Variants in SEMA3A observed in about 807,000 individuals in gnomAD.
SEMA3A encodes the protein semaphorin 3A.
Under a neutral mutation model 97.9 loss-of-function variants are expected in SEMA3A, and 29 were observed. The ratio of observed to expected loss-of-function variants is 0.30; its 90% CI spans 0.22 to 0.40. The LOEUF (loss-of-function observed/expected upper bound fraction) is 0.40. SEMA3A is among the 10% of genes least tolerant of loss of function. The pLI is 1.00. For synonymous variants in SEMA3A, 321 were observed against 323.7 expected (o/e 0.99, Z 0.09); for missense variants, 763 against 951.3 (o/e 0.80, Z 2.60).
chr7:84,361,249 G>A (rs1802712060), intron 2 of SEMA3A, among the ~76,000 whole-genome samples: 1 of 152,056 alleles, frequency 6.6e-6, no homozygotes, highest in South Asian at 2.1e-4. Context: ...ATGTTCTCAT[G>A]AAGTGCTGAG....
intron 4 of SEMA3A, among the ~76,000 whole-genome samples, chr7:84,083,438 T>G (rs4732539): frequency 0.41 from 62,766 of 151,366 alleles, 14,564 homozygotes; most frequent in Non-Finnish European, 0.51. Flanking sequence ...ATCATTTTTT[T>G]TGTGTGTGTG....
intron 6 of SEMA3A, among the ~76,000 whole-genome samples, chr7:84,034,797 T>TC (rs397825918): frequency 6.6e-5 from 10 of 151,792 alleles, no homozygotes; most frequent in South Asian, 6.3e-4. Flanking sequence ...GTCTTTTTTT[T>TC]CCCCTTATTT....
At chr7:84,435,487 A>G (rs1029220113) in intron 1 of SEMA3A, among the ~76,000 whole-genome samples, 9 of 152,214 alleles carry the variant, frequency 5.9e-5, no homozygotes, top group African/African-American at 2.2e-4. Context: ...GCGTGCCTAT[A>G]GTCCCAGCTA....
At chr7:84,099,274 G>T (rs1220629992) in intron 4 of SEMA3A, among the ~76,000 whole-genome samples, 11 of 59,268 alleles carry the variant, frequency 1.9e-4, no homozygotes, top group African/African-American at 3.8e-4. Context: ...GTTTCACCGT[G>T]TTAGCCAGGA....
At chr7:84,286,907 A>G (rs1800603592) in intron 3 of SEMA3A, among the ~76,000 whole-genome samples, 1 of 152,134 alleles carries the variant, frequency 6.6e-6, no homozygotes, top group Admixed American at 6.6e-5. Flanking sequence ...TTATCTCACC[A>G]TCAATCTACA....
At chr7:84,058,961 T>C (rs1793107523) in intron 5 of SEMA3A, among the ~76,000 whole-genome samples, 1 of 152,178 alleles carries the variant, frequency 6.6e-6, no homozygotes, top group African/African-American at 2.4e-5. Flanking sequence ...CAGCGGAATA[T>C]TAAAATAAAT....
At chr7:84,466,459 C>T (rs1035243389) in intron 1 of SEMA3A, among the ~76,000 whole-genome samples, 4 of 152,098 alleles carry the variant, frequency 2.6e-5, no homozygotes, top group Non-Finnish European at 5.9e-5. Flanking sequence ...AGGTGTGAGC[C>T]GCCGCACCCA....
At chr7:84,219,768 T>C (rs1798833756) in intron 3 of SEMA3A, among the ~76,000 whole-genome samples, 1 of 152,204 alleles carries the variant, frequency 6.6e-6, no homozygotes, top group Non-Finnish European at 1.5e-5. Context: ...GGATGACTTG[T>C]TGCAGCTTCT....
At chr7:84,264,334 A>G (rs1055668107) in intron 3 of SEMA3A, among the ~76,000 whole-genome samples, 1 of 152,196 alleles carries the variant, frequency 6.6e-6, no homozygotes, top group African/African-American at 2.4e-5. Flanking sequence ...GCCTATAACA[A>G]CAATGTGGAT....
At chr7:84,386,957 A>C (rs1233643150) in intron 1 of SEMA3A, among the ~76,000 whole-genome samples, 1 of 152,052 alleles carries the variant, frequency 6.6e-6, no homozygotes, top group Non-Finnish European at 1.5e-5. Context: ...CCGAGATCGC[A>C]CCACTGCACT....
At chr7:84,398,018 T>C (rs1178109556) in intron 1 of SEMA3A, among the ~76,000 whole-genome samples, 1 of 152,208 alleles carries the variant, frequency 6.6e-6, no homozygotes, top group African/African-American at 2.4e-5. Flanking sequence ...ATTTATTTCT[T>C]ATTTGATTTG....
At chr7:84,294,265 G>T (rs1303774501) in intron 3 of SEMA3A, among the ~76,000 whole-genome samples, 1 of 151,846 alleles carries the variant, frequency 6.6e-6, no homozygotes, top group African/African-American at 2.4e-5. Flanking sequence ...CCTACTTCCT[G>T]GCACCATAGG....
intron 1 of SEMA3A, among the ~76,000 whole-genome samples, chr7:84,480,088 TA>T (rs1328046629): frequency 1.3e-5 from 2 of 152,240 alleles, no homozygotes; most frequent in Admixed American, 6.5e-5. Flanking sequence ...AGAAGTTTAC[TA>T]AAGCAAGATT....
At chr7:84,444,564 CTTT>C (rs201008229) in intron 1 of SEMA3A, among the ~76,000 whole-genome samples, 19 of 138,760 alleles carry the variant, frequency 1.4e-4, no homozygotes, top group African/African-American at 4.2e-4. Flanking sequence ...TTCTTTTTTT[CTTT>C]TTTTTTTTTT....
chr7:83,992,835 C>T (rs370604761), intron 12 of SEMA3A, among the ~76,000 whole-genome samples: 102 of 152,090 alleles, frequency 6.7e-4, no homozygotes, highest in East Asian at 2.9e-3. Flanking sequence ...CTATTAGGTC[C>T]GCTTGGTGCA....
At chr7:84,228,740 C>T (rs1458901263) in intron 3 of SEMA3A, among the ~76,000 whole-genome samples, 15 of 152,052 alleles carry the variant, frequency 9.9e-5, no homozygotes, top group Non-Finnish European at 2.1e-4. Context: ...GTTCATTTGC[C>T]GGGATTCCTC....
chr7:84,253,917 A>G (rs1454714859), intron 3 of SEMA3A, among the ~76,000 whole-genome samples: 1 of 152,180 alleles, frequency 6.6e-6, no homozygotes, highest in Non-Finnish European at 1.5e-5. Flanking sequence ...AGTACAAATG[A>G]TCCCAAATTG....
chr7:84,014,803 A>G (rs1444240272), intron 6 of SEMA3A, among the ~76,000 whole-genome samples: 1 of 152,138 alleles, frequency 6.6e-6, no homozygotes, highest in African/African-American at 2.4e-5. Context: ...CGTATAAAAC[A>G]AAATAAATCC....
intron 2 of SEMA3A, among the ~76,000 whole-genome samples, chr7:84,308,359 T>C (rs544366119): frequency 9.2e-5 from 14 of 152,288 alleles, no homozygotes; most frequent in Admixed American, 7.8e-4. Context: ...CCCAAATGTA[T>C]ATACAAGCAT....
Sources: allele counts gnomAD v4.1 joint callset (sites outside exome capture counted in the v4.1 genomes callset), GRCh38; gene constraint gnomAD v4.1.1; transcripts MANE v1.5; gene names NCBI Gene and HGNC (gene_info 2026-07-23, HGNC 2026-07-21).